The following PGM5 variants were observed in gnomAD, a reference collection of about 807,000 sequenced individuals.
PGM5 encodes phosphoglucomutase-like protein 5.
In PGM5, 23 loss-of-function variants were observed where a neutral mutation model predicts 59.2. That is an observed-to-expected ratio of 0.39 (90% confidence interval 0.28 to 0.55). The LOEUF (loss-of-function observed/expected upper bound fraction) is 0.55, where lower values mean the gene tolerates loss of function less well. Among genes scored for constraint, PGM5 ranks in the 20% least tolerant of loss-of-function variants. The pLI is 0.66. For missense variants in PGM5, 574 were observed against 748.3 expected, an observed-to-expected ratio of 0.77 and a Z score of 2.72; for synonymous variants, 214 against 286.0, an observed-to-expected ratio of 0.75 and a Z score of 2.54.
intron 2 of PGM5, among the ~76,000 whole-genome samples, chr9:68,380,047 C>G (rs1394802401): frequency 6.6e-6 from 1 of 151,790 alleles, no homozygotes; most frequent in African/African-American, 2.4e-5. Flanking sequence ...GAGAGATCAA[C>G]CAGACAAAAA....
intron 9 of PGM5, among the ~76,000 whole-genome samples, chr9:68,495,275 A>G (rs1029738313): frequency 4.4e-4 from 67 of 152,226 alleles, no homozygotes; most frequent in Non-Finnish European, 1.5e-4. Context: ...ATAAATCAAG[A>G]CTAGGGAATA....
intron 6 of PGM5, among the ~76,000 whole-genome samples, chr9:68,411,257 G>A (rs1158499844): frequency 2.1e-4 from 32 of 151,852 alleles, no homozygotes; most frequent in Non-Finnish European, 2.6e-4. Context: ...CCCATTAGCC[G>A]GGTGTGCCTG....
At chr9:68,428,437 T>C (rs1273290711) in intron 6 of PGM5, 3 of 152,240 alleles carry the variant, frequency 2.0e-5, no homozygotes, top group African/African-American at 4.8e-5. Flanking sequence ...CAAATTTGTA[T>C]TGATGAGCAA....
chr9:68,479,432 C>A lies in PGM5; in HGVS notation c.1174C>A (p.Arg392=), dbSNP rs781994762. Residue 392 remains arginine, a synonymous_variant, in exon 8 of 11, where the codon CGA becomes AGA. Coordinates refer to ENST00000396396, the MANE Select transcript of PGM5 (RefSeq NM_021965.4). ...TTCACCTTTAGGCTCTGACCACCTCCGAGAGAAGGATGGCCTGTGGGCTGT... is the reference window on the plus strand; with the variant it reads ...TTCACCTTTAGGCTCTGACCACCTCAGAGAGAAGGATGGCCTGTGGGCTGT... ...ESFGTGSDHL[R]EKDGLWAVLV... 6.2e-7 allele frequency: 1 copy of A among 1,613,080 alleles called. No individual in the cohort carries two copies. The highest frequency in any genetic ancestry group is 1.7e-5 in the Admixed American group (1 of 59,714).
chr9:68,473,115 T>C (rs547750940), intron 7 of PGM5, among the ~76,000 whole-genome samples: 1 of 152,284 alleles, frequency 6.6e-6, no homozygotes, highest in East Asian at 1.9e-4. Flanking sequence ...GATCGATCGA[T>C]CTCCATCACA....
intron 9 of PGM5, among the ~76,000 whole-genome samples, chr9:68,490,546 G>C (rs1159725716): frequency 6.6e-6 from 1 of 152,112 alleles, no homozygotes; most frequent in Non-Finnish European, 1.5e-5. Flanking sequence ...GTAAAGACAG[G>C]GTTTCACCAT....
chr9:68,465,244 G>A (rs782505031), intron 7 of PGM5, 36 bp downstream of exon 7: 36 of 1,343,144 alleles, frequency 2.7e-5, no homozygotes, highest in Non-Finnish European at 3.3e-5. Context: ...TGGGGAGGGC[G>A]GCTGCAGCCT....
At chr9:68,488,219 A>C (rs1403105702) in intron 9 of PGM5, among the ~76,000 whole-genome samples, 1 of 152,156 alleles carries the variant, frequency 6.6e-6, no homozygotes, top group Non-Finnish European at 1.5e-5. Flanking sequence ...CTGGGAATTG[A>C]TTCAAACTCA....
chr9:68,459,076 C>T (rs1554685176), intron 6 of PGM5, among the ~76,000 whole-genome samples: 1 of 152,152 alleles, frequency 6.6e-6, no homozygotes, highest in African/African-American at 2.4e-5. Context: ...TAGACATTAA[C>T]CAGCATATCC....
chr9:68,483,789 GAT>G, intron 8 of PGM5, 74 bp from the exon 9 acceptor site: 1 of 1,339,248 alleles, frequency 7.5e-7, no homozygotes, highest in Non-Finnish European at 1.1e-6. Flanking sequence ...CAGAACCAAT[GAT>G]TAAATAACTG....
chr9:68,413,101 A>C (rs1385446657), intron 6 of PGM5, among the ~76,000 whole-genome samples: 1 of 152,346 alleles, frequency 6.6e-6, no homozygotes, highest in African/African-American at 2.4e-5. Context: ...CAATGGGTCA[A>C]AATATGGACA....
At position 68,378,302 on chromosome 9, in the gene PGM5, G is replaced by T; in HGVS notation, c.365G>T (p.Ser122Ile). ...GCTGGTGGAATCATTCTAACAGCCA[G>T]CCACTGCCCTGGAGGACCAGGGGGA... ...KAAGGIILTA[S>I]HCPGGPGGEF... The change falls in exon 2 of 11, where the codon AGC (serine) becomes ATC (isoleucine). Residue 122 changes from serine (S) to isoleucine (I), a missense_variant. Physicochemically the swap from Ser to Ile is moderately radical, Grantham distance 142 (BLOSUM62 -2). Coordinates refer to ENST00000396396, the MANE Select transcript of PGM5 (RefSeq NM_021965.4). The T allele has an allele frequency of 6.3e-7, 1 of 1,595,718 alleles. No homozygotes were observed. Among genetic ancestry groups the T allele is most frequent in the Non-Finnish European group, 8.5e-7 (1 of 1,172,390 alleles).
chr9:68,413,793 A>G (rs1482109846), intron 6 of PGM5, among the ~76,000 whole-genome samples: 2 of 152,234 alleles, frequency 1.3e-5, no homozygotes. Context: ...ATCTCTTAAC[A>G]AAACAACACA....
At position 68,465,118 on chromosome 9, in the gene PGM5, G is replaced by C; in HGVS notation, c.1069G>C (p.Val357Leu). The C allele has an allele frequency of 1.2e-6, 2 of 1,610,712 alleles. No homozygotes were observed. The highest frequency in any genetic ancestry group is 1.7e-6 in the Non-Finnish European group (2 of 1,176,970). ...DRVAKSMKVP[V>L]YETPAGWRFF... Reference sequence around the variant, plus strand: ...AGTGGCCAAATCAATGAAGGTCCCTGTATATGAGACCCCAGCTGGATGGAG... The same window carrying C: ...AGTGGCCAAATCAATGAAGGTCCCTCTATATGAGACCCCAGCTGGATGGAG... The change falls in exon 7 of 11, where the codon GTA (valine) becomes CTA (leucine). Residue 357 changes from valine (V) to leucine (L), a missense_variant. By Grantham distance (32) the Val-to-Leu change is conservative. Around this residue, in one of 7 missense-constraint regions of PGM5, gnomAD observed 300 missense variants for 280.0 expected, o/e 1.07. Coordinates refer to ENST00000396396, the MANE Select transcript of PGM5 (RefSeq NM_021965.4).
chr9:68,499,038 A>G (rs1824527150), intron 9 of PGM5, 189 bp from the exon 10 acceptor site: 3 of 605,956 alleles, frequency 5.0e-6, no homozygotes, highest in Non-Finnish European at 8.6e-6. Flanking sequence ...TAGAATAAAG[A>G]GACAAATGGG....
chr9:68,490,297 T>G (rs782008048), intron 9 of PGM5, among the ~76,000 whole-genome samples: 2 of 152,210 alleles, frequency 1.3e-5, no homozygotes, highest in African/African-American at 2.4e-5. Flanking sequence ...CTCTTCAGAG[T>G]TAGCTAGTCA....
At chr9:68,457,116 C>G (rs556073782) in intron 6 of PGM5, among the ~76,000 whole-genome samples, 1 of 152,072 alleles carries the variant, frequency 6.6e-6, no homozygotes, top group Non-Finnish European at 1.5e-5. Context: ...GCCATTAATC[C>G]TTTGATTTTA....
At chr9:68,489,521 A>G (rs1260160531) in intron 9 of PGM5, among the ~76,000 whole-genome samples, 2 of 144,086 alleles carry the variant, frequency 1.4e-5, no homozygotes, top group Non-Finnish European at 1.5e-5. Context: ...GCTGGAGTGC[A>G]GTGGTGTGAT....
intron 10 of PGM5, among the ~76,000 whole-genome samples, chr9:68,515,688 G>A (rs577567182): frequency 1.3e-5 from 2 of 152,264 alleles, no homozygotes; most frequent in East Asian, 3.9e-4. Flanking sequence ...TGATTTGAGT[G>A]GCTTTCTCAC....
Sources: allele counts gnomAD v4.1 joint callset (sites outside exome capture counted in the v4.1 genomes callset), GRCh38; gene constraint gnomAD v4.1.1; regional missense constraint gnomAD v4.1.1; transcripts MANE v1.5; gene names NCBI Gene and HGNC (gene_info 2026-07-23, HGNC 2026-07-21).